The following DHX58 variants were observed in gnomAD, a reference collection of about 807,000 sequenced individuals.
The protein encoded by DHX58 is ATP-dependent RNA helicase DHX58.
In DHX58, 51 loss-of-function variants were observed where a neutral mutation model predicts 65.0. That is an observed-to-expected ratio of 0.78 (90% CI 0.63 to 0.99). The LOEUF (loss-of-function observed/expected upper bound fraction) is 0.99. Ranked by LOEUF, DHX58 falls within the 50% of genes least tolerant of loss-of-function variation. The pLI, the probability that DHX58 is intolerant of heterozygous loss-of-function variation, is 0.00. For synonymous variants in DHX58, 350 were observed against 365.0 expected, an observed-to-expected ratio of 0.96 and a Z score of 0.47; for missense variants, 773 against 891.8, an observed-to-expected ratio of 0.87 and a Z score of 1.70.
intron 6 of DHX58, 145 bp downstream of exon 6, chr17:42,109,125 T>C: frequency 1.5e-6 from 1 of 661,742 alleles, no homozygotes; most frequent in Non-Finnish European, 2.5e-6. Flanking sequence ...ATCTGCCCCA[T>C]TTCACAGAAA....
Position 42,101,716 on chromosome 17 carries a change from TC to T in DHX58, c.*44del. 1 of 1,600,728 alleles carries T rather than the reference TC, an allele frequency of 6.2e-7. No individual in the cohort carries two copies. ...GGGGCCTGGAGTCTGCTGCAGACTC[TC>T]CCGCCCCCTACAGCCCAAACCGGGC... On this transcript the variant is annotated 3_prime_UTR_variant, in exon 14 of 14. Coordinates refer to ENST00000251642, the MANE Select transcript of DHX58 (RefSeq NM_024119.3).
chr17:42,104,145 C>T (rs1339664733), intron 11 of DHX58, among the ~76,000 whole-genome samples: 1 of 151,696 alleles, frequency 6.6e-6, no homozygotes, highest in Non-Finnish European at 1.5e-5. Context: ...ATTGCTTGAG[C>T]CCAGGAGGTG....
chr17:42,107,732 G>A lies in DHX58; in HGVS notation c.869C>T (p.Ala290Val). The A allele has an allele frequency of 3.1e-6, 5 of 1,606,778 alleles. No individual in the cohort carries two copies. The highest frequency in any genetic ancestry group is 3.4e-6 in the Non-Finnish European group (4 of 1,176,520). Residue 290 changes from alanine to valine, a missense_variant, in exon 8 of 14, where the codon GCG (alanine) becomes GTG (valine). Coordinates refer to ENST00000251642, the MANE Select transcript of DHX58 (RefSeq NM_024119.3). ...YALHLRRYND[A>V]LLIHDTVRAV... ...GCGGACGGTGTCATGGATGAGCAGCGCGTCATTGTAGCGCCTCAGGTGAAG... is the reference window on the plus strand; with the variant it reads ...GCGGACGGTGTCATGGATGAGCAGCACGTCATTGTAGCGCCTCAGGTGAAG...
intron 5 of DHX58, among the ~76,000 whole-genome samples, chr17:42,109,666 C>T (rs529372375): frequency 2.6e-5 from 4 of 152,136 alleles, no homozygotes; most frequent in African/African-American, 4.8e-5. Flanking sequence ...GAGGCCAAGG[C>T]GGGCGGGTCA....
In DHX58 at chr17:42,111,426, CAG is replaced by C; in HGVS notation, c.238_239del (p.Leu80GlufsTer18). The C allele has an allele frequency of 1.2e-6, 2 of 1,614,204 alleles. No homozygotes were observed. Among genetic ancestry groups the C allele is most frequent in the Non-Finnish European group, 1.7e-6 (2 of 1,180,030 alleles). ...CAGCACGTGGTCCCATGTCCCCACT[CAG>C]GGTTGTCACGGTCCAGCGTCCATCC... ...MLDGRWTVTT[L>X]SGDMGPRAGF... On this transcript the variant is annotated frameshift_variant, in exon 4 of 14. Coordinates refer to ENST00000251642, the MANE Select transcript of DHX58 (RefSeq NM_024119.3). LOFTEE classifies it high-confidence loss of function.
At chr17:42,103,479 T>C in intron 12 of DHX58, 129 bp downstream of exon 12, 1 of 1,210,228 alleles carries the variant, frequency 8.3e-7, no homozygotes, top group Non-Finnish European at 1.2e-6. Context: ...AAAACCTGTC[T>C]AACCAGATTA....
rs142360007 is a variant in DHX58 at position 42,101,790 on chromosome 17, C to A, written c.2008G>T (p.Glu670Ter). The stretch of plus-strand genomic sequence containing the variant: ...TCCAGGGAGAGGTCCGACAAGTTCT[C>A]GGCACAATGCTGCAGGAAGTCAAAG... ...PDFDFLQHCA[E>*]NLSDLSLD is the part of the protein sequence containing the mutation. The change falls in exon 14 of 14, where the codon GAG (glutamate) becomes TAG (stop). Residue 670 changes from glutamate to a stop codon, truncating the protein, a stop_gained. Transcript: ENST00000251642. LOFTEE classifies it high-confidence loss of function. 8 of 1,614,190 alleles carry A rather than the reference C, an allele frequency of 5.0e-6. No individual in the cohort carries two copies. In the South Asian group the frequency reaches 7.7e-5, roughly 16 times the overall value.
intron 6 of DHX58, among the ~76,000 whole-genome samples, chr17:42,108,846 C>G (rs2054105708): frequency 6.6e-6 from 1 of 152,254 alleles, no homozygotes; most frequent in Non-Finnish European, 1.5e-5. Context: ...TCTGCTCACT[C>G]ACTCCCTCCC....
At chr17:42,106,378 G>A (rs782758508) in intron 8 of DHX58, among the ~76,000 whole-genome samples, 15 of 148,566 alleles carry the variant, frequency 1.0e-4, no homozygotes, top group Non-Finnish European at 2.1e-4. Flanking sequence ...CTTGGAGTGG[G>A]GAGGGCACTG....
Position 42,103,603 on chromosome 17 carries a change from C to G in DHX58, c.1754+5G>C. Reference sequence around the variant, plus strand: ...CATCCCAGTAGCCCCTTCCACAGGTCTCACGAGAAGTTGGGGTTCACATTG... The same window carrying G: ...CATCCCAGTAGCCCCTTCCACAGGTGTCACGAGAAGTTGGGGTTCACATTG... On this transcript the variant is annotated splice_donor_5th_base_variant and intron_variant, in intron 12 of 13. Coordinates refer to ENST00000251642, the MANE Select transcript of DHX58 (RefSeq NM_024119.3). 6.2e-7 allele frequency: 1 copy of G among 1,613,944 alleles called. No individual in the cohort carries two copies. The highest frequency in any genetic ancestry group is 1.1e-5 in the South Asian group (1 of 91,052).
intron 9 of DHX58, 43 bp downstream of exon 9, chr17:42,105,693 T>C: frequency 2.6e-6 from 4 of 1,523,156 alleles, no homozygotes; most frequent in Non-Finnish European, 3.5e-6. Flanking sequence ...TTCTCTCCTA[T>C]GGAATCCCTC....
Position 42,105,072 on chromosome 17 carries a change from A to G in DHX58, c.1347T>C (p.His449=), listed in dbSNP as rs782398492. The G allele has an allele frequency of 1.6e-5, 26 of 1,613,866 alleles. No individual in the cohort carries two copies. In the Middle Eastern group the frequency reaches 2.0e-3, roughly 123 times the overall value. Residue 449 remains histidine (H), a synonymous_variant, in exon 10 of 14, where the codon CAT becomes CAC. Coordinates refer to ENST00000251642, the MANE Select transcript of DHX58 (RefSeq NM_024119.3). ...GCCCATAACGCACCACCACATTGCA[A>G]TGTGGGATGTCCAGCCCCTCCTCCG... ...SVAEEGLDIP[H]CNVVVRYGLL...
chr17:42,105,209 A>C, intron 9 of DHX58, 42 bp from the exon 10 acceptor site: 2 of 1,561,860 alleles, frequency 1.3e-6, no homozygotes, highest in South Asian at 1.2e-5. Context: ...CTGGTACATG[A>C]GGAGGCTCAG....
chr17:42,102,359 C>G lies in DHX58; in HGVS notation c.1755-47G>C, dbSNP rs200617538. 8.2e-5 allele frequency: 126 copies of G among 1,540,312 alleles called. No individual in the cohort carries two copies. In the East Asian group the frequency reaches 2.3e-3, roughly 28 times the overall value. Reference sequence around the variant, plus strand: ...CACAGCCCTCATTGACCCTCCTCAGCCCCGGATCTCATGCCCTCCTGCCGG... The same window carrying G: ...CACAGCCCTCATTGACCCTCCTCAGGCCCGGATCTCATGCCCTCCTGCCGG... On this transcript the variant is annotated intron_variant, in intron 12 of 13. Coordinates refer to ENST00000251642, the MANE Select transcript of DHX58 (RefSeq NM_024119.3).
intron 12 of DHX58, 30 bp downstream of exon 12, chr17:42,103,578 C>CA (rs2143985974): frequency 6.2e-7 from 1 of 1,612,266 alleles, no homozygotes. Context: ...CCCAGGCCCC[C>CA]ATCCCAGTAG....
chr17:42,112,643 C>G lies in DHX58; in HGVS notation c.-133G>C, dbSNP rs2277621. ...AGCCTGGGTCTCGCCTGCACCACCA[C>G]GTAGGCCTGCCCAAGGCGGCCCTGC... On this transcript the variant is annotated 5_prime_UTR_variant, in exon 1 of 14. Coordinates refer to ENST00000251642, the MANE Select transcript of DHX58 (RefSeq NM_024119.3). 0.33 allele frequency: 50,419 copies of G among 151,658 alleles called. 13,901 individuals are homozygous for G. Among genetic ancestry groups the G allele is most frequent in the African/African-American group, 0.76 (31,358 of 41,086 alleles). The allele number at this position is 151,658 out of a possible 1,614,324, so 9.4% of individuals were successfully genotyped here.
intron 5 of DHX58, among the ~76,000 whole-genome samples, chr17:42,109,945 T>C (rs1555663732): frequency 6.7e-6 from 1 of 148,322 alleles, no homozygotes; most frequent in Non-Finnish European, 1.5e-5. Flanking sequence ...CCCAGCACTA[T>C]GGGAGGCCAA....
rs1156422913 is a variant in DHX58, at chr17:42,110,927, G to A, written c.371-14C>T. 2 of 1,586,206 alleles carry A rather than the reference G, an allele frequency of 1.3e-6. No individual in the cohort carries two copies. The highest frequency in any genetic ancestry group is 1.7e-6 in the Non-Finnish European group (2 of 1,163,788). Reference sequence around the variant, plus strand: ...TCAGGGAGAAGACTGAGGGCACAGGGGGGAAGGCTGTGACCTATGTTTGCA... The same window carrying A: ...TCAGGGAGAAGACTGAGGGCACAGGAGGGAAGGCTGTGACCTATGTTTGCA... On this transcript the variant is annotated splice_polypyrimidine_tract_variant and intron_variant, in intron 4 of 13. Transcript: ENST00000251642.
At chr17:42,102,158 G>A in intron 13 of DHX58, 58 bp downstream of exon 13, 1 of 1,584,510 alleles carries the variant, frequency 6.3e-7, no homozygotes, top group Non-Finnish European at 8.7e-7. Flanking sequence ...GCTCCCTGAG[G>A]GCCTCTGAAG....
Sources: gnomAD v4.1 joint callset for allele counts (sites outside exome capture counted in the v4.1 genomes callset) on GRCh38, gnomAD v4.1.1 for gene constraint, MANE v1.5 for transcripts, NCBI Gene and HGNC (gene_info 2026-07-23, HGNC 2026-07-21) for gene names.